Variants in NOBOX observed in about 807,000 individuals in gnomAD.
NOBOX encodes the protein homeobox protein NOBOX.
In NOBOX, 46 loss-of-function variants were observed where a neutral mutation model predicts 60.2. The ratio of observed to expected loss-of-function variants is 0.76; its 90% CI spans 0.60 to 0.98. The LOEUF (loss-of-function observed/expected upper bound fraction) is 0.98, where lower values mean the gene tolerates loss of function less well. Ranked by LOEUF, NOBOX falls within the 50% of genes least tolerant of loss-of-function variation. The pLI, the probability that NOBOX is intolerant of heterozygous loss-of-function variation, is 0.00. For missense variants in NOBOX, 880 were observed against 865.5 expected (o/e 1.02, Z -0.21); for synonymous variants, 360 against 346.3 (o/e 1.04, Z -0.44).
chr7:144,403,652 C>A lies in NOBOX; in HGVS notation c.210+904G>T, dbSNP rs772776175. 18 of 700,658 alleles carry A rather than the reference C, an allele frequency of 2.6e-5. 1 individual carries two copies. In the South Asian group the frequency reaches 2.7e-4, roughly 10 times the overall value. The allele number at this position is 700,658 out of a possible 1,614,324, so 43.4% of individuals were successfully genotyped here. A position where few individuals can be genotyped will look rare whatever the true frequency, so the allele number is the denominator to read the frequency against. On this transcript the variant is annotated intron_variant, in intron 2 of 9. Transcript: ENST00000467773. ...CCCCTCGCACGACGGGGTCTCCACACTCACCCAGCGGTCCCTGGCAGGGAT... is the reference window on the plus strand; with the variant it reads ...CCCCTCGCACGACGGGGTCTCCACAATCACCCAGCGGTCCCTGGCAGGGAT...
chr7:144,403,609 G>GA, intron 2 of NOBOX, 48 bp downstream of exon 1: 1 of 297,338 alleles, frequency 3.4e-6, no homozygotes, highest in Admixed American at 5.3e-5. Context: ...CCCCCTCCCC[G>GA]AACCCCCAAA....
At chr7:144,403,502 C>T (rs2525703) in intron 2 of NOBOX, among the ~76,000 whole-genome samples, 155 bp downstream of exon 1, 20,439 of 150,924 alleles carry the variant, frequency 0.14, 1,796 homozygotes, top group South Asian at 0.2. Context: ...GCAGTGAGGT[C>T]GGCCTCCTCC....
intron 1 of NOBOX, among the ~76,000 whole-genome samples, chr7:144,407,505 C>G (rs1052585321): frequency 2.0e-5 from 3 of 152,198 alleles, no homozygotes; most frequent in African/African-American, 7.2e-5. Context: ...CTGTCCAAAG[C>G]AGAGAGAGCG....
At position 144,398,787 on chromosome 7, in the gene NOBOX, T is replaced by C. The variant is rs2699502; in HGVS notation, c.1469+163A>G. On this transcript the variant is annotated intron_variant, in intron 8 of 9. Coordinates refer to ENST00000467773, the MANE Select transcript of NOBOX (RefSeq NM_001080413.3). ...TTTCTGCTCTATTGCTGTGATCCCC[T>C]AGGTCATTCCCCAGATCCCCTTATC... Among the ~76,000 whole-genome samples, 89,855 of 151,682 alleles carry C rather than the reference T, an allele frequency of 0.59. 27,104 individuals are homozygous for C. Among genetic ancestry groups the C allele is most frequent in the South Asian group, 0.83 (3,989 of 4,798 alleles).
rs188779367 is a variant in NOBOX at position 144,400,194 on chromosome 7, G to C, written c.963C>G (p.Ala321=). 1.2e-6 allele frequency: 2 copies of C among 1,614,010 alleles called. No homozygotes were observed. The change falls in exon 5 of 10, where the codon GCC becomes GCG. Residue 321 remains alanine (A), a synonymous_variant. Coordinates refer to ENST00000467773, the MANE Select transcript of NOBOX (RefSeq NM_001080413.3). The stretch of plus-strand genomic sequence containing the variant: ...CACTCCACCCTGCCACCAGTGAGCC[G>C]GCCCCCTTTACCATGATGCGCTGGG...
At chr7:144,409,846 G>A (rs1002863212) in intron 1 of NOBOX, among the ~76,000 whole-genome samples, 1 of 152,156 alleles carries the variant, frequency 6.6e-6, no homozygotes, top group African/African-American at 2.4e-5. Context: ...ATAGCTAAGC[G>A]TAACTTCAAG....
In NOBOX at chr7:144,398,464, G is replaced by A. The variant is rs1335292601; in HGVS notation, c.1592C>T (p.Pro531Leu). 3.3e-6 allele frequency: 5 copies of A among 1,537,240 alleles called. No individual in the cohort carries two copies. Among genetic ancestry groups the A allele is most frequent in the Non-Finnish European group, 4.4e-6 (5 of 1,146,920 alleles). Residue 531 changes from proline to leucine, a missense_variant, in exon 9 of 10, where the codon CCT becomes CTT. Physicochemically the swap from Pro to Leu is moderately conservative, Grantham distance 98. Coordinates refer to ENST00000467773, the MANE Select transcript of NOBOX (RefSeq NM_001080413.3). ...GGGGAGGTAGGGCAACTTGGGCTGA[G>A]GGGACTGGAAAAGCGGGGGCTGTGG... is the stretch of plus-strand genomic sequence containing the variant.
In NOBOX at chr7:144,397,249, A is replaced by T; in HGVS notation, c.2067T>A (p.His689Gln). 1 of 1,528,548 alleles carries T rather than the reference A, an allele frequency of 6.5e-7. No homozygotes were observed. Among genetic ancestry groups the T allele is most frequent in the Non-Finnish European group, 8.8e-7 (1 of 1,140,142 alleles). The allele number at this position is 1,528,548 out of a possible 1,614,324, so 94.7% of individuals were successfully genotyped here. A position where few individuals can be genotyped will look rare whatever the true frequency, so the allele number is the denominator to read the frequency against. ...CTCTTTGACCCCCCAACTAGGGGACATGGCTATTCTTGTCATCCCCTCTGG... is the reference window on the plus strand; with the variant it reads ...CTCTTTGACCCCCCAACTAGGGGACTTGGCTATTCTTGTCATCCCCTCTGG... The change falls in exon 10 of 10, where the codon CAT becomes CAA. Residue 689 changes from histidine (H) to glutamine (Q), a missense_variant. By Grantham distance (24) the His-to-Gln change is conservative. Coordinates refer to ENST00000467773, the MANE Select transcript of NOBOX (RefSeq NM_001080413.3).
chr7:144,398,643 T>G (rs1363208476), intron 8 of NOBOX, 57 bp from the exon 7 acceptor site: 13 of 1,258,916 alleles, frequency 1.0e-5, no homozygotes, highest in Non-Finnish European at 1.4e-5. Context: ...TCCCCGTTCC[T>G]ACCACAGTAG....
chr7:144,408,636 C>T (rs2054001783), intron 1 of NOBOX, among the ~76,000 whole-genome samples: 1 of 152,110 alleles, frequency 6.6e-6, no homozygotes, highest in Non-Finnish European at 1.5e-5. Flanking sequence ...AGATTTGAAC[C>T]CAGTTAGTCT....
At chr7:144,406,231 G>C (rs2053984326) in intron 1 of NOBOX, among the ~76,000 whole-genome samples, 2 of 152,220 alleles carry the variant, frequency 1.3e-5, no homozygotes, top group South Asian at 4.1e-4. Context: ...GTCTACAATA[G>C]ATTTGCATAG....
chr7:144,398,710 G>T (rs1484157258), intron 8 of NOBOX, 124 bp from the exon 7 acceptor site: 1 of 705,284 alleles, frequency 1.4e-6, no homozygotes, highest in East Asian at 2.7e-5. Flanking sequence ...GCCTTGCAAG[G>T]CTGCTGCAGC....
intron 1 of NOBOX, among the ~76,000 whole-genome samples, chr7:144,406,664 A>G (rs533134719): frequency 6.6e-6 from 1 of 152,296 alleles, no homozygotes; most frequent in Non-Finnish European, 1.5e-5. Context: ...GAAGAATTTT[A>G]TTGGCTGCAA....
At chr7:144,404,795 T>A in intron 1 of NOBOX, 1 of 1,200,360 alleles carries the variant, frequency 8.3e-7, no homozygotes, top group Non-Finnish European at 1.2e-6. Context: ...GCCTTATGAT[T>A]CCTGGTTCAC....
Position 144,401,699 on chromosome 7 carries a change from CTTTAA to C in NOBOX, c.293-107_293-103del, listed in dbSNP as rs1482259919. 11 of 1,238,288 alleles carry C rather than the reference CTTTAA, an allele frequency of 8.9e-6. No individual in the cohort carries two copies. In the African/African-American group the frequency reaches 9.0e-5, roughly 10 times the overall value. The allele number at this position is 1,238,288 out of a possible 1,614,324, so 76.7% of individuals were successfully genotyped here. ...GCTTTGCAAACGGTTTGATCTTAAG[CTTTAA>C]TTTGTCTACCTATCAAATGGGGTAA... On this transcript the variant is annotated intron_variant, in intron 3 of 9. Transcript: ENST00000467773. The surrounding 1 kb of genome is among the most constrained non-coding windows in gnomAD (Gnocchi z 4.2).
At chr7:144,403,395 G>A (rs945107226) in intron 2 of NOBOX, among the ~76,000 whole-genome samples, 5 of 152,104 alleles carry the variant, frequency 3.3e-5, no homozygotes, top group Admixed American at 2.6e-4. Context: ...AGGGTCCTGG[G>A]GCTCCCAGGG....
rs563594394 is a variant in NOBOX at position 144,401,722 on chromosome 7, T to C, written c.293-125A>G. On this transcript the variant is annotated intron_variant, in intron 3 of 9. Transcript: ENST00000467773. The surrounding 1 kb of genome is among the most constrained non-coding windows in gnomAD (Gnocchi z 4.2). ...AGCTTTAATTTGTCTACCTATCAAA[T>C]GGGGTAATAATTCCACACTTACCTT... 9.2e-7 allele frequency: 1 copy of C among 1,081,982 alleles called. No homozygotes were observed. The highest frequency in any genetic ancestry group is 1.6e-5 in the African/African-American group (1 of 63,160). 67.0% of individuals were successfully genotyped at this position (1,081,982 alleles called of 1,614,324 possible). A position where few individuals can be genotyped will look rare whatever the true frequency, so the allele number is the denominator to read the frequency against.
chr7:144,403,468 G>T (rs1284706018), intron 2 of NOBOX, among the ~76,000 whole-genome samples, 189 bp downstream of exon 1: 5 of 151,742 alleles, frequency 3.3e-5, no homozygotes, highest in Admixed American at 3.3e-4. Context: ...CGGGGAGGGG[G>T]GTTGCAATCC....
intron 1 of NOBOX, among the ~76,000 whole-genome samples, chr7:144,409,326 C>A (rs1397680164): frequency 6.6e-6 from 1 of 152,064 alleles, no homozygotes. Context: ...AATAGGAATG[C>A]AAATTTATTA....
Sources: gnomAD v4.1 joint callset for allele counts (sites outside exome capture counted in the v4.1 genomes callset) on GRCh38, gnomAD v4.1.1 for gene constraint, Gnocchi (gnomAD v3.1) non-coding constraint, MANE v1.5 for transcripts, NCBI Gene and HGNC (gene_info 2026-07-23, HGNC 2026-07-21) for gene names.